Variants in PRKACB observed in about 807,000 individuals in gnomAD.
PRKACB encodes protein kinase cAMP-activated catalytic subunit beta.
A neutral mutation model predicts 51.4 loss-of-function variants in PRKACB; 16 were observed. That is an observed-to-expected ratio of 0.31 (90% CI 0.21 to 0.47). The LOEUF is 0.47. Among genes scored for constraint, PRKACB ranks in the 20% least tolerant of loss-of-function variants. PRKACB has a pLI of 1.00. For synonymous variants in PRKACB, 147 were observed against 154.4 expected, an observed-to-expected ratio of 0.95 and a Z score of 0.35; for missense variants, 309 against 464.5, an observed-to-expected ratio of 0.67 and a Z score of 3.08.
intron 1 of PRKACB, among the ~76,000 whole-genome samples, chr1:84,080,146 A>C (rs538409106): frequency 6.6e-6 from 1 of 152,056 alleles, no homozygotes; most frequent in Non-Finnish European, 1.5e-5. Flanking sequence ...GAGAATGATT[A>C]TATTAGTAGT....
At chr1:84,099,359 CATA>C (rs1329138908) in intron 1 of PRKACB, among the ~76,000 whole-genome samples, 1 of 129,770 alleles carries the variant, frequency 7.7e-6, no homozygotes, top group East Asian at 2.1e-4. Context: ...TAGTCGAAGA[CATA>C]GTAGTATGTT....
chr1:84,120,695 T>C (rs950504444), intron 1 of PRKACB, among the ~76,000 whole-genome samples: 1 of 152,106 alleles, frequency 6.6e-6, no homozygotes, highest in Admixed American at 6.5e-5. Flanking sequence ...AGTTCTCTCT[T>C]AATAGGGAAA....
chr1:84,204,374 A>G (rs1670982197), intron 8 of PRKACB: 3 of 802,120 alleles, frequency 3.7e-6, no homozygotes, highest in Non-Finnish European at 6.2e-6. Flanking sequence ...ACAGAAAAGC[A>G]GAATGCAGTA....
At chr1:84,152,156 A>G (rs963499197) in intron 1 of PRKACB, among the ~76,000 whole-genome samples, 3 of 152,198 alleles carry the variant, frequency 2.0e-5, no homozygotes, top group African/African-American at 7.2e-5. Flanking sequence ...TGCATTGTCA[A>G]TTAGCACTAA....
chr1:84,109,447 A>T (rs1571613381), intron 1 of PRKACB, among the ~76,000 whole-genome samples: 1 of 151,920 alleles, frequency 6.6e-6, no homozygotes, highest in East Asian at 1.9e-4. Context: ...TTTTATGACT[A>T]TATAGTGTTC....
intron 1 of PRKACB, among the ~76,000 whole-genome samples, chr1:84,092,215 C>A (rs191763005): frequency 1.3e-4 from 20 of 152,250 alleles, no homozygotes; most frequent in African/African-American, 4.8e-4. Context: ...TACTGAAACC[C>A]CAGAAACTTC....
chr1:84,187,601 G>A (rs1416138744), intron 5 of PRKACB, among the ~76,000 whole-genome samples: 1 of 152,088 alleles, frequency 6.6e-6, no homozygotes, highest in Non-Finnish European at 1.5e-5. Flanking sequence ...GAACAGAGCG[G>A]TTCTCATTTT....
intron 9 of PRKACB, among the ~76,000 whole-genome samples, chr1:84,220,847 G>A (rs1673591308): frequency 6.6e-6 from 1 of 152,072 alleles, no homozygotes; most frequent in African/African-American, 2.4e-5. Flanking sequence ...GTTAGCTAGT[G>A]TTTTGTTAAA....
At chr1:84,157,467 A>C (rs1249048122) in intron 1 of PRKACB, 1 of 152,092 alleles carries the variant, frequency 6.6e-6, no homozygotes, top group Non-Finnish European at 1.5e-5. Flanking sequence ...TTAATTAGTA[A>C]ATTTAAGGAT....
At chr1:84,082,255 G>A (rs531868247) in intron 1 of PRKACB, among the ~76,000 whole-genome samples, 2 of 152,218 alleles carry the variant, frequency 1.3e-5, no homozygotes, top group South Asian at 4.1e-4. Context: ...AACAGCCTCT[G>A]TATCCAATAG....
intron 1 of PRKACB, among the ~76,000 whole-genome samples, chr1:84,166,004 C>A (rs1015913654): frequency 6.6e-6 from 1 of 151,562 alleles, no homozygotes; most frequent in Non-Finnish European, 1.5e-5. Context: ...ATTGACGAAC[C>A]TTTTCTTTCA....
At chr1:84,230,149 A>G (rs1378594026) in intron 9 of PRKACB, among the ~76,000 whole-genome samples, 2 of 151,976 alleles carry the variant, frequency 1.3e-5, no homozygotes, top group Admixed American at 6.6e-5. Flanking sequence ...CTTTCCACAT[A>G]TGGCTAGCCA....
At chr1:84,078,683 A>G (rs978314215) in intron 1 of PRKACB, among the ~76,000 whole-genome samples, 2 of 152,206 alleles carry the variant, frequency 1.3e-5, no homozygotes, top group Admixed American at 6.5e-5. Flanking sequence ...GGTCCGAGGA[A>G]AGAAGTCCCT....
At position 84,238,154 on chromosome 1, in the gene PRKACB, A is replaced by G. The variant is rs1218600980; in HGVS notation, c.*2849A>G. 1.3e-5 allele frequency: 2 copies of G among 152,374 alleles called. No homozygotes were observed. The allele number at this position is 152,374 out of a possible 1,614,324, so 9.4% of individuals were successfully genotyped here. A position where few individuals can be genotyped will look rare whatever the true frequency, so the allele number is the denominator to read the frequency against. ...GTTGAATCAAACTGTCAACCTACCA[A>G]AAACGATATTGTGGCTTATGGGTAT... is the stretch of plus-strand genomic sequence containing the variant. On this transcript the variant is annotated 3_prime_UTR_variant, in exon 10 of 10. Transcript: ENST00000370685.
chr1:84,114,089 A>T (rs1650441559), intron 1 of PRKACB, among the ~76,000 whole-genome samples: 2 of 152,194 alleles, frequency 1.3e-5, no homozygotes, highest in African/African-American at 4.8e-5. Flanking sequence ...GGATAGCTGG[A>T]AGAAATCAGG....
intron 1 of PRKACB, among the ~76,000 whole-genome samples, chr1:84,127,928 A>G (rs1651773564): frequency 6.6e-6 from 1 of 151,936 alleles, no homozygotes; most frequent in Non-Finnish European, 1.5e-5. Flanking sequence ...TACATTGTGT[A>G]AAAAATAAAG....
intron 9 of PRKACB, 137 bp from the exon 10 acceptor site, chr1:84,235,043 T>G (rs1676514433): frequency 1.1e-6 from 1 of 874,076 alleles, no homozygotes. Flanking sequence ...CTTCTAGCAC[T>G]ATTATATTTT....
intron 4 of PRKACB, 93 bp from the exon 5 acceptor site, chr1:84,185,003 CAGAG>C (rs972509019): frequency 2.4e-5 from 15 of 625,978 alleles, no homozygotes; most frequent in African/African-American, 1.4e-4. Flanking sequence ...ATTAATCTGT[CAGAG>C]AGATTTTAAA....
chr1:84,167,158 A>T (rs1173772696), intron 1 of PRKACB, among the ~76,000 whole-genome samples: 1 of 151,596 alleles, frequency 6.6e-6, no homozygotes, highest in Admixed American at 6.6e-5. Flanking sequence ...TCCTATTATA[A>T]TAACTGCATT....
Sources: allele counts gnomAD v4.1 joint callset (sites outside exome capture counted in the v4.1 genomes callset), GRCh38; gene constraint gnomAD v4.1.1; transcripts MANE v1.5; gene names NCBI Gene and HGNC (gene_info 2026-07-23, HGNC 2026-07-21).